Variants in SRSF10 observed in about 807,000 individuals in gnomAD.
The protein encoded by SRSF10 is serine/arginine-rich splicing factor 10.
A neutral mutation model predicts 32.6 loss-of-function variants in SRSF10; 9 were observed. The observed-to-expected ratio is 0.28, with a 90% confidence interval of 0.17 to 0.48. The LOEUF is 0.48. Ranked by LOEUF, SRSF10 falls within the 20% of genes least tolerant of loss-of-function variation. SRSF10 has a pLI of 0.99. For missense variants in SRSF10, 201 were observed against 331.8 expected (o/e 0.61, Z 3.06); for synonymous variants, 105 against 112.4 (o/e 0.93, Z 0.42).
rs71655401 is a variant in SRSF10 at position 23,979,057 on chromosome 1, GT to G, written c.66-241del. The G allele has an allele frequency of 8.1e-3, 1,089 of 134,068 alleles. 13 individuals carry two copies. Among genetic ancestry groups the G allele is most frequent in the African/African-American group, 0.025 (922 of 36,916 alleles). 8.3% of individuals were successfully genotyped at this position (134,068 alleles called of 1,614,324 possible). On this transcript the variant is annotated intron_variant, in intron 1 of 5. Transcript: ENST00000492112. Reference sequence around the variant, plus strand: ...CAGCATTAGGTTGTATATAAGCCTTGTTTTTTTTTTTTTTTTTACTTTTACA... The same window carrying G: ...CAGCATTAGGTTGTATATAAGCCTTGTTTTTTTTTTTTTTTTACTTTTACA...
chr1:23,968,241 T>C lies in SRSF10; in HGVS notation c.*2901A>G, dbSNP rs1309396917. Among the ~76,000 whole-genome samples, 2 of 152,114 alleles carry C rather than the reference T, an allele frequency of 1.3e-5. No individual in the cohort carries two copies. The highest frequency in any genetic ancestry group is 4.8e-5 in the African/African-American group (2 of 41,410). On this transcript the variant is annotated 3_prime_UTR_variant, in exon 6 of 6. Coordinates refer to ENST00000492112, the MANE Select transcript of SRSF10 (RefSeq NM_054016.4). ...GGTGTGTCGCTTTAGGAACAACATA[T>C]AAGATTCTCAATAGTCCAAGTCTAA...
intron 2 of SRSF10, chr1:23,976,319 C>T (rs1340814814): frequency 6.6e-6 from 1 of 152,194 alleles, no homozygotes; most frequent in Non-Finnish European, 1.5e-5. Context: ...AGACTTCCCA[C>T]TTTTTGTTCT....
In SRSF10 at chr1:23,966,595, C is replaced by G. The variant is rs1206859089; in HGVS notation, c.*4547G>C. On this transcript the variant is annotated 3_prime_UTR_variant, in exon 6 of 6. Coordinates refer to ENST00000492112, the MANE Select transcript of SRSF10 (RefSeq NM_054016.4). ...AGTTAGGATAACAGCTCTCTGTCTGCCTCAAAATAATCTAATTATAGCACC... is the reference window on the plus strand; with the variant it reads ...AGTTAGGATAACAGCTCTCTGTCTGGCTCAAAATAATCTAATTATAGCACC... 2.0e-5 allele frequency: 3 copies of G among 151,976 alleles called. No individual in the cohort carries two copies. Among genetic ancestry groups the G allele is most frequent in the African/African-American group, 7.2e-5 (3 of 41,420 alleles). 9.4% of individuals were successfully genotyped at this position (151,976 alleles called of 1,614,324 possible). A position where few individuals can be genotyped will look rare whatever the true frequency, so the allele number is the denominator to read the frequency against.
In SRSF10 at chr1:23,970,921, G is replaced by C. The variant is rs370316248; in HGVS notation, c.*221C>G. On this transcript the variant is annotated 3_prime_UTR_variant, in exon 6 of 6. Transcript: ENST00000492112. ...GAGAATCTTTACAAAAATATACAGA[G>C]ACACCACAAATTGGTAGCTGCCCAT... The C allele has an allele frequency of 7.1e-4, 891 of 1,249,428 alleles. 10 individuals carry two copies. The African/African-American group carries it at 0.011, about 15-fold the overall frequency. 77.4% of individuals were successfully genotyped at this position (1,249,428 alleles called of 1,614,324 possible). A position where few individuals can be genotyped will look rare whatever the true frequency, so the allele number is the denominator to read the frequency against.
chr1:23,967,887 T>TCATAC lies in SRSF10; in HGVS notation c.*3250_*3254dup. On this transcript the variant is annotated 3_prime_UTR_variant, in exon 6 of 6. Coordinates refer to ENST00000492112, the MANE Select transcript of SRSF10 (RefSeq NM_054016.4). ...TTCCCCTGGGATGTAACTTAACAGCTCATACTCTATGTAGCACCTTTCCTC... is the reference window on the plus strand; with the variant it reads ...TTCCCCTGGGATGTAACTTAACAGCTCATACCATACTCTATGTAGCACCTTTCCTC... 2 of 1,549,168 alleles carry TCATAC rather than the reference T, an allele frequency of 1.3e-6. No homozygotes were observed. Among genetic ancestry groups the TCATAC allele is most frequent in the Non-Finnish European group, 1.7e-6 (2 of 1,146,394 alleles).
chr1:23,976,817 T>C (rs1220685495), intron 2 of SRSF10: 1 of 152,268 alleles, frequency 6.6e-6, no homozygotes, highest in Non-Finnish European at 1.5e-5. Context: ...TTGTACTTTA[T>C]GGTCTTTTCA....
At position 23,964,454 on chromosome 1, in the gene SRSF10, C is replaced by T. The variant is rs1384965511; in HGVS notation, c.*6688G>A. On this transcript the variant is annotated 3_prime_UTR_variant, in exon 6 of 6. Transcript: ENST00000492112. ...AAAATAGCTGGTACAGAGAACTTAC[C>T]ATGTAAGGCTGCTGAAGTCAGCCAT... 6.6e-6 allele frequency among the ~76,000 whole-genome samples: 1 copy of T among 151,932 alleles called. No homozygotes were observed. Among genetic ancestry groups the T allele is most frequent in the African/African-American group, 2.4e-5 (1 of 41,400 alleles).
In SRSF10 at chr1:23,969,748, C is replaced by T. The variant is rs1641633753; in HGVS notation, c.*1394G>A. The T allele has an allele frequency of 3.0e-6, 3 of 985,178 alleles. No homozygotes were observed. Among genetic ancestry groups the T allele is most frequent in the Non-Finnish European group, 3.6e-6 (3 of 829,840 alleles). The allele number at this position is 985,178 out of a possible 1,614,324, so 61.0% of individuals were successfully genotyped here. A position where few individuals can be genotyped will look rare whatever the true frequency, so the allele number is the denominator to read the frequency against. ...TATAAATGGTTTAAGGGTATTACTTCATTTTTAGTCAGGTACTACACTGAT... is the reference window on the plus strand; with the variant it reads ...TATAAATGGTTTAAGGGTATTACTTTATTTTTAGTCAGGTACTACACTGAT... On this transcript the variant is annotated 3_prime_UTR_variant, in exon 6 of 6. Coordinates refer to ENST00000492112, the MANE Select transcript of SRSF10 (RefSeq NM_054016.4).
chr1:23,971,326 T>A lies in SRSF10; in HGVS notation c.605A>T (p.His202Leu). The change falls in exon 6 of 6, where the codon CAC (histidine) becomes CTC (leucine). Residue 202 changes from histidine to leucine, a missense_variant. By Grantham distance (99) the His-to-Leu change is moderately conservative. Coordinates refer to ENST00000492112, the MANE Select transcript of SRSF10 (RefSeq NM_054016.4). ...TTTAGAGGTGCCTCTAGTTTTGGTG[T>A]GAGATGCAGACCTAGAACGTGATTT... Reference protein sequence around the residue: ...KAKSRSRSASHTKTRGTSKTD... With the variant: ...KAKSRSRSASLTKTRGTSKTD... 1 of 1,613,212 alleles carries A rather than the reference T, an allele frequency of 6.2e-7. No homozygotes were observed. The highest frequency in any genetic ancestry group is 1.8e-4 in the Middle Eastern group (1 of 5,460).
At chr1:23,973,575 C>A (rs1418244050) in intron 3 of SRSF10, among the ~76,000 whole-genome samples, 2 of 152,166 alleles carry the variant, frequency 1.3e-5, no homozygotes, top group Non-Finnish European at 2.9e-5. Flanking sequence ...CCCGCCTAGG[C>A]CTCCCAAAGT....
At chr1:23,975,872 G>A (rs1345569888) in intron 2 of SRSF10, 1 of 152,222 alleles carries the variant, frequency 6.6e-6, no homozygotes, top group Non-Finnish European at 1.5e-5. Context: ...TTTCCAACTT[G>A]AGAATTTCAA....
chr1:23,972,118 G>C (rs1641793014), intron 3 of SRSF10, 106 bp from the exon 4 acceptor site: 5 of 985,170 alleles, frequency 5.1e-6, no homozygotes, highest in East Asian at 3.0e-5. Flanking sequence ...ATCCCAAAGA[G>C]AGTATGTATG....
intron 2 of SRSF10, chr1:23,975,402 AC>A: frequency 4.3e-6 from 1 of 230,222 alleles, no homozygotes; most frequent in East Asian, 9.3e-5. Context: ...AGTTTACAAG[AC>A]AAAAAAGAAA....
Position 23,965,622 on chromosome 1 carries a change from C to G in SRSF10, c.*5520G>C, listed in dbSNP as rs1641414322. The G allele has an allele frequency of 6.6e-6, 1 of 151,834 alleles. No individual in the cohort carries two copies. 9.4% of individuals were successfully genotyped at this position (151,834 alleles called of 1,614,324 possible). On this transcript the variant is annotated 3_prime_UTR_variant, in exon 6 of 6. Transcript: ENST00000492112. ...AGCACATGGTTCGGCACAGTAAGTG[C>G]TCAATAATATTGACAGCATTCAGTA...
chr1:23,969,725 T>C lies in SRSF10; in HGVS notation c.*1417A>G. 1.0e-6 allele frequency: 1 copy of C among 985,382 alleles called. No homozygotes were observed. Among genetic ancestry groups the C allele is most frequent in the South Asian group, 4.7e-5 (1 of 21,284 alleles). The allele number at this position is 985,382 out of a possible 1,614,324, so 61.0% of individuals were successfully genotyped here. A position where few individuals can be genotyped will look rare whatever the true frequency, so the allele number is the denominator to read the frequency against. ...TCTTTCAGAGAAATACTAGAAATTA[T>C]AAATGGTTTAAGGGTATTACTTCAT... On this transcript the variant is annotated 3_prime_UTR_variant, in exon 6 of 6. Transcript: ENST00000492112.
intron 3 of SRSF10, among the ~76,000 whole-genome samples, chr1:23,972,507 C>G (rs1176039645): frequency 2.0e-5 from 3 of 151,850 alleles, no homozygotes; most frequent in Non-Finnish European, 4.4e-5. Context: ...GTGGCGCAAT[C>G]TCAACTCACT....
rs1486404248 is a variant in SRSF10, at chr1:23,968,449, A to G, written c.*2693T>C. Among the ~76,000 whole-genome samples, 1 of 152,190 alleles carries G rather than the reference A, an allele frequency of 6.6e-6. No individual in the cohort carries two copies. The highest frequency in any genetic ancestry group is 2.4e-5 in the African/African-American group (1 of 41,442). ...GGCTTAAATCCTGGCTCTGCCTTAC[A>G]GTCTTTTCTTTGTGCCTCAGTTTCC... On this transcript the variant is annotated 3_prime_UTR_variant, in exon 6 of 6. Coordinates refer to ENST00000492112, the MANE Select transcript of SRSF10 (RefSeq NM_054016.4).
At position 23,970,733 on chromosome 1, in the gene SRSF10, T is replaced by C. The variant is rs1641707769; in HGVS notation, c.*409A>G. On this transcript the variant is annotated 3_prime_UTR_variant, in exon 6 of 6. Coordinates refer to ENST00000492112, the MANE Select transcript of SRSF10 (RefSeq NM_054016.4). ...TGTCTGAGCAGTCAGTGTTGTACTG[T>C]GGCTACTACTTCACTTTTGTATCAT... is the stretch of plus-strand genomic sequence containing the variant. 1 of 1,007,968 alleles carries C rather than the reference T, an allele frequency of 9.9e-7. No individual in the cohort carries two copies. The highest frequency in any genetic ancestry group is 5.5e-5 in the Admixed American group (1 of 18,264). The allele number at this position is 1,007,968 out of a possible 1,614,324, so 62.4% of individuals were successfully genotyped here.
At chr1:23,973,095 C>T (rs7526349) in intron 3 of SRSF10, among the ~76,000 whole-genome samples, 73,123 of 152,034 alleles carry the variant, frequency 0.48, 17,885 homozygotes, top group South Asian at 0.64. Context: ...GATGCAGATG[C>T]AGAACGTGAT....
Sources: allele counts gnomAD v4.1 joint callset (sites outside exome capture counted in the v4.1 genomes callset), GRCh38; gene constraint gnomAD v4.1.1; transcripts MANE v1.5; gene names NCBI Gene and HGNC (gene_info 2026-07-23, HGNC 2026-07-21).